Variants in ANOS1 observed in about 807,000 individuals in gnomAD.
The protein encoded by ANOS1 is anosmin 1, also known as anosmin-1.
A neutral mutation model predicts 59.0 loss-of-function variants in ANOS1; 6 were observed. The observed-to-expected ratio is 0.10, with a 90% CI of 0.06 to 0.20. The LOEUF (loss-of-function observed/expected upper bound fraction) is 0.20. Among genes scored for constraint, ANOS1 ranks in the 10% least tolerant of loss-of-function variants. The pLI, the probability that ANOS1 is intolerant of heterozygous loss-of-function variation, is 1.00. For synonymous variants in ANOS1, 217 were observed against 223.4 expected, an observed-to-expected ratio of 0.97 and a Z score of 0.25; for missense variants, 433 against 542.3, an observed-to-expected ratio of 0.80 and a Z score of 2.00.
intron 6 of ANOS1, among the ~76,000 whole-genome samples, chrX:8,581,215 T>C (rs1930416005): frequency 9.0e-6 from 1 of 111,193 alleles, no homozygotes; most frequent in South Asian, 3.9e-4. Context: ...GGGCAGGTCT[T>C]TCTCGTGCTA....
chrX:8,668,599 A>G (rs941930030), intron 2 of ANOS1, among the ~76,000 whole-genome samples: 2 of 105,618 alleles, frequency 1.9e-5, no homozygotes, highest in Non-Finnish European at 3.9e-5. Flanking sequence ...TACCATATAT[A>G]TATCACAATT....
chrX:8,571,585 T>C (rs1182177555), intron 6 of ANOS1, among the ~76,000 whole-genome samples: 1 of 112,256 alleles, frequency 8.9e-6, no homozygotes, highest in Non-Finnish European at 1.9e-5. Flanking sequence ...ATTTTTGTGA[T>C]TGTACCATTT....
chrX:8,705,455 G>A (rs764905601), intron 1 of ANOS1, among the ~76,000 whole-genome samples: 6 of 111,220 alleles, frequency 5.4e-5, no homozygotes, highest in South Asian at 3.8e-4. Context: ...TTTTGCAGCC[G>A]TTCTGTGCTT....
In ANOS1 at chrX:8,529,001, C is replaced by A. The variant is rs1005246596; in HGVS notation, c.*3994G>T. ...TTTACAAAACATTTTTACAAGATTACTTCTCTCTAAATAATGTGACAGACA... is the reference window on the plus strand; with the variant it reads ...TTTACAAAACATTTTTACAAGATTAATTCTCTCTAAATAATGTGACAGACA... On this transcript the variant is annotated 3_prime_UTR_variant, in exon 14 of 14. Transcript: ENST00000262648. 4 of 111,774 alleles carry A rather than the reference C, an allele frequency of 3.6e-5. No individual in the cohort carries two copies. The highest frequency in any genetic ancestry group is 1.3e-4 in the African/African-American group (4 of 30,733). 9.2% of individuals were successfully genotyped at this position (111,774 alleles called of 1,213,427 possible).
intron 2 of ANOS1, among the ~76,000 whole-genome samples, chrX:8,629,020 G>A (rs1258578195): frequency 9.0e-6 from 1 of 111,270 alleles, no homozygotes; most frequent in African/African-American, 3.3e-5. Context: ...AGGCTGAGAT[G>A]AGATGATCTC....
intron 3 of ANOS1, among the ~76,000 whole-genome samples, chrX:8,607,786 A>C (rs1363414175): frequency 1.9e-5 from 2 of 107,135 alleles, no homozygotes; most frequent in Non-Finnish European, 3.8e-5. Context: ...CTAGGAATTT[A>C]ATGGTGAACA....
chrX:8,717,918 G>A (rs1257838648), intron 1 of ANOS1, among the ~76,000 whole-genome samples: 1 of 109,287 alleles, frequency 9.2e-6, no homozygotes, highest in Non-Finnish European at 1.9e-5. Context: ...TAAAAAATTA[G>A]CCAAGCGTGG....
chrX:8,534,554 G>T, intron 12 of ANOS1, 94 bp from the exon 13 acceptor site: 1 of 922,925 alleles, frequency 1.1e-6, no homozygotes, highest in Non-Finnish European at 1.6e-6. Context: ...TCCCCCACTG[G>T]AGAATATCAT....
intron 1 of ANOS1, among the ~76,000 whole-genome samples, chrX:8,724,460 C>T (rs1266145738): frequency 1.8e-5 from 2 of 112,286 alleles, no homozygotes; most frequent in East Asian, 2.8e-4. Flanking sequence ...TGATCCCATG[C>T]GATGCTTTTG....
In ANOS1 at chrX:8,534,591, A is replaced by C. The variant is rs767781701; in HGVS notation, c.1843-131T>G. ...CACAGGCAAGTTTGGTTGCTTTGTA[A>C]AGGCATAGTTTAATTTATAGACTAT... On this transcript the variant is annotated intron_variant, in intron 12 of 13. Transcript: ENST00000262648. The C allele has an allele frequency of 3.7e-5, 23 of 627,763 alleles. No homozygotes were observed. The African/African-American group carries it at 4.9e-4, about 13-fold the overall frequency. 51.7% of individuals were successfully genotyped at this position (627,763 alleles called of 1,213,427 possible). A position where few individuals can be genotyped will look rare whatever the true frequency, so the allele number is the denominator to read the frequency against.
At chrX:8,687,945 G>A (rs1932548766) in intron 2 of ANOS1, among the ~76,000 whole-genome samples, 1 of 112,061 alleles carries the variant, frequency 8.9e-6, no homozygotes, top group African/African-American at 3.2e-5. Context: ...CAGAAACACA[G>A]AGAAATGAAA....
chrX:8,671,729 C>T (rs1263051362), intron 2 of ANOS1, among the ~76,000 whole-genome samples: 2 of 108,044 alleles, frequency 1.9e-5, no homozygotes, highest in Non-Finnish European at 3.8e-5. Context: ...TATACAAGAC[C>T]ATAAGTGAAA....
In ANOS1 at chrX:8,529,038, C is replaced by T. The variant is rs1400862347; in HGVS notation, c.*3957G>A. On this transcript the variant is annotated 3_prime_UTR_variant, in exon 14 of 14. Coordinates refer to ENST00000262648, the MANE Select transcript of ANOS1 (RefSeq NM_000216.4). ...TAATGTGACAGACATACACAAAAAT[C>T]CAACTTTTTTTATTACATACATAAA... The T allele has an allele frequency of 3.6e-5, 4 of 111,912 alleles. No individual in the cohort carries two copies. The highest frequency in any genetic ancestry group is 1.3e-4 in the African/African-American group (4 of 30,755). 9.2% of individuals were successfully genotyped at this position (111,912 alleles called of 1,213,427 possible).
chrX:8,619,350 A>C (rs1931240029), intron 3 of ANOS1, among the ~76,000 whole-genome samples: 1 of 111,855 alleles, frequency 8.9e-6, no homozygotes, highest in Non-Finnish European at 1.9e-5. Flanking sequence ...TCACGCCTGT[A>C]ATCCCAGCAC....
chrX:8,558,026 C>A (rs1929974812), intron 8 of ANOS1, among the ~76,000 whole-genome samples: 1 of 111,271 alleles, frequency 9.0e-6, no homozygotes, highest in Non-Finnish European at 1.9e-5. Flanking sequence ...TTTGCAGGGA[C>A]ATGGATGAAG....
At chrX:8,716,925 G>A (rs1932844998) in intron 1 of ANOS1, among the ~76,000 whole-genome samples, 1 of 111,600 alleles carries the variant, frequency 9.0e-6, no homozygotes, top group East Asian at 2.8e-4. Context: ...TGGATATCCC[G>A]ATACAAATAT....
chrX:8,609,140 G>A (rs1324826010), intron 3 of ANOS1, among the ~76,000 whole-genome samples: 1 of 111,711 alleles, frequency 9.0e-6, no homozygotes, highest in East Asian at 2.8e-4. Context: ...AGGTGCTATT[G>A]GCATCTAGTG....
At chrX:8,544,741 C>A (rs560170723) in intron 9 of ANOS1, among the ~76,000 whole-genome samples, 2 of 109,870 alleles carry the variant, frequency 1.8e-5, no homozygotes, top group South Asian at 8.0e-4. Flanking sequence ...CATAGCAAGA[C>A]CGCATCTCTA....
At chrX:8,540,840 A>G (rs1033186388) in intron 9 of ANOS1, among the ~76,000 whole-genome samples, 1 of 110,716 alleles carries the variant, frequency 9.0e-6, no homozygotes, top group African/African-American at 3.3e-5. Flanking sequence ...GCATTTAGCT[A>G]AAAGAGAAAT....
Sources: allele counts gnomAD v4.1 joint callset (sites outside exome capture counted in the v4.1 genomes callset), GRCh38; gene constraint gnomAD v4.1.1; transcripts MANE v1.5; gene names NCBI Gene and HGNC (gene_info 2026-07-23, HGNC 2026-07-21).